The following VRK3 variants were observed in gnomAD, a reference collection of about 807,000 sequenced individuals.
VRK3 encodes the protein serine/threonine-protein kinase VRK3.
Under a neutral mutation model 60.4 loss-of-function variants are expected in VRK3, and 50 were observed. The observed-to-expected ratio is 0.83, with a 90% CI of 0.66 to 1.05. VRK3 has a LOEUF of 1.05. Ranked by LOEUF, VRK3 falls within the 50% of genes least tolerant of loss-of-function variation. VRK3 has a pLI of 0.00. For missense variants in VRK3, 549 were observed against 585.3 expected (o/e 0.94, Z 0.64); for synonymous variants, 246 against 227.8 (o/e 1.08, Z -0.72).
At chr19:49,995,339 A>G (rs924590592) in intron 7 of VRK3, 64 bp from the exon 8 acceptor site, 7 of 1,479,732 alleles carry the variant, frequency 4.7e-6, no homozygotes, top group African/African-American at 1.4e-5. Context: ...AGTAAGAGCT[A>G]GTTCTCAGAG....
At position 49,988,510 on chromosome 19, in the gene VRK3, A is replaced by G; in HGVS notation, c.1097-18T>C. 1 of 1,610,330 alleles carries G rather than the reference A, an allele frequency of 6.2e-7. No individual in the cohort carries two copies. The highest frequency in any genetic ancestry group is 8.5e-7 in the Non-Finnish European group (1 of 1,178,296). On this transcript the variant is annotated intron_variant, in intron 11 of 14. Transcript: ENST00000316763. Reference sequence around the variant, plus strand: ...GGAGGGCCCTGGGGAAGGAGGAGTAAAGGTGGCAGCTCAAGTCTGGACGCT... The same window carrying G: ...GGAGGGCCCTGGGGAAGGAGGAGTAGAGGTGGCAGCTCAAGTCTGGACGCT...
intron 7 of VRK3, among the ~76,000 whole-genome samples, chr19:49,996,074 A>G (rs2076699105): frequency 6.6e-6 from 1 of 152,122 alleles, no homozygotes; most frequent in Non-Finnish European, 1.5e-5. Context: ...GGCACGTGCC[A>G]CCACATCCAA....
chr19:49,984,386 C>A (rs1011349608), intron 12 of VRK3, among the ~76,000 whole-genome samples: 1 of 152,176 alleles, frequency 6.6e-6, no homozygotes, highest in Non-Finnish European at 1.5e-5. Context: ...TCTCTAGAGA[C>A]CAGGTCAGGC....
intron 12 of VRK3, among the ~76,000 whole-genome samples, chr19:49,985,272 C>A (rs2076491939): frequency 1.3e-5 from 2 of 152,184 alleles, no homozygotes; most frequent in South Asian, 4.1e-4. Context: ...AACCCCAGCA[C>A]CATCTGTTAA....
chr19:49,982,885 C>T (rs1008547446), intron 12 of VRK3, among the ~76,000 whole-genome samples: 1 of 152,154 alleles, frequency 6.6e-6, no homozygotes, highest in Non-Finnish European at 1.5e-5. Context: ...CTCTGCCTGG[C>T]CCATCGGGCC....
chr19:49,989,888 C>A, intron 10 of VRK3, 117 bp from the exon 11 acceptor site: 2 of 1,234,720 alleles, frequency 1.6e-6, no homozygotes, highest in Non-Finnish European at 2.2e-6. Flanking sequence ...TTTTCACTTA[C>A]AAAACTAAGG....
At position 49,980,275 on chromosome 19, in the gene VRK3, G is replaced by A. The variant is rs1224799366; in HGVS notation, c.1276+680C>T. Among the ~76,000 whole-genome samples, 5 of 152,206 alleles carry A rather than the reference G, an allele frequency of 3.3e-5. No individual in the cohort carries two copies. In the East Asian group the frequency reaches 7.7e-4, roughly 23 times the overall value. Reference sequence around the variant, plus strand: ...CCAGTAACAGGGATTGGCTTTATAAGTTACGGTGCGGACAAACCATGACCA... The same window carrying A: ...CCAGTAACAGGGATTGGCTTTATAAATTACGGTGCGGACAAACCATGACCA... On this transcript the variant is annotated intron_variant, in intron 13 of 14. Coordinates refer to ENST00000316763, the MANE Select transcript of VRK3 (RefSeq NM_016440.4).
intron 5 of VRK3, among the ~76,000 whole-genome samples, chr19:50,005,624 C>T (rs1432301497): frequency 2.0e-5 from 3 of 149,928 alleles, no homozygotes; most frequent in South Asian, 2.1e-4. Context: ...ACTACCCAAA[C>T]GCCCATCAGC....
At chr19:49,977,520 G>A (rs751566513) in intron 14 of VRK3, among the ~76,000 whole-genome samples, 6 of 152,068 alleles carry the variant, frequency 3.9e-5, no homozygotes, top group East Asian at 1.9e-4. Flanking sequence ...GCCTGGGCTC[G>A]CTCCATCGAT....
At chr19:50,015,283 G>T (rs2077057127) in intron 3 of VRK3, among the ~76,000 whole-genome samples, 1 of 151,886 alleles carries the variant, frequency 6.6e-6, no homozygotes, top group Non-Finnish European at 1.5e-5. Flanking sequence ...GATGCTCAAG[G>T]GAAATTTCAC....
intron 14 of VRK3, among the ~76,000 whole-genome samples, chr19:49,978,178 C>A (rs1217606227): frequency 6.6e-6 from 1 of 152,144 alleles, no homozygotes; most frequent in Non-Finnish European, 1.5e-5. Flanking sequence ...CAGGCAGCAT[C>A]CCGGCCTCCA....
At chr19:50,007,954 T>G in intron 4 of VRK3, 128 bp from the exon 5 acceptor site, 1 of 1,347,620 alleles carries the variant, frequency 7.4e-7, no homozygotes, top group South Asian at 1.4e-5. Flanking sequence ...TCCTGGGACC[T>G]TCTATGAGTC....
rs568877003 is a variant in VRK3, at chr19:50,019,674, C to CTTTTTTTT, written c.-2+903_-2+910dup. Among the ~76,000 whole-genome samples the CTTTTTTTT allele has an allele frequency of 1.6e-3, 70 of 45,014 alleles. 4 individuals carry two copies. The highest frequency in any genetic ancestry group is 2.4e-3 in the Admixed American group (6 of 2,548). The allele number at this position is 45,014 out of a possible 152,430, so 29.5% of individuals were successfully genotyped here. On this transcript the variant is annotated intron_variant, in intron 2 of 14. Transcript: ENST00000316763. ...ACAGGCATGTGCCACCATGCCTGGCCTTTTTTTTTTTTTTTTTTTTTTTTT... is the reference window on the plus strand; with the variant it reads ...ACAGGCATGTGCCACCATGCCTGGCCTTTTTTTTTTTTTTTTTTTTTTTTTTTTTTTTT...
In VRK3 at chr19:50,016,151, G is replaced by A. The variant is rs780663039; in HGVS notation, c.12C>T (p.Phe4=). MIS[F]CPDCGKSIQA... ...GGATACTTTTGCCACAGTCTGGACAGAAGGAGATCATGCTACAAAACAGAA... is the reference window on the plus strand; with the variant it reads ...GGATACTTTTGCCACAGTCTGGACAAAAGGAGATCATGCTACAAAACAGAA... Residue 4 remains phenylalanine (F), a synonymous_variant, in exon 3 of 15, where the codon TTC becomes TTT. Transcript: ENST00000316763. 6.2e-7 allele frequency: 1 copy of A among 1,614,140 alleles called. No homozygotes were observed. Among genetic ancestry groups the A allele is most frequent in the East Asian group, 2.2e-5 (1 of 44,886 alleles).
In VRK3 at chr19:50,016,272, G is replaced by C. The variant is rs535271746; in HGVS notation, c.-1-109C>G. The C allele has an allele frequency of 1.4e-5, 20 of 1,428,696 alleles. No individual in the cohort carries two copies. In the Admixed American group the frequency reaches 3.7e-4, roughly 27 times the overall value. 88.5% of individuals were successfully genotyped at this position (1,428,696 alleles called of 1,614,324 possible). ...GGGTGAGTGGCAGGAGGCACAACCA[G>C]GGTCTTCAACTGTTTGTGATGTTCA... On this transcript the variant is annotated intron_variant, in intron 2 of 14. Transcript: ENST00000316763.
intron 9 of VRK3, 26 bp downstream of exon 9, chr19:49,994,788 C>G (rs751123752): frequency 6.2e-7 from 1 of 1,602,446 alleles, no homozygotes; most frequent in South Asian, 1.1e-5. Context: ...CCTGACGCGG[C>G]AGCTGAGCAA....
At position 49,995,291 on chromosome 19, in the gene VRK3, G is replaced by A. The variant is rs1309649713; in HGVS notation, c.680-16C>T. 5 of 1,613,502 alleles carry A rather than the reference G, an allele frequency of 3.1e-6. No homozygotes were observed. The highest frequency in any genetic ancestry group is 4.2e-6 in the Non-Finnish European group (5 of 1,179,664). On this transcript the variant is annotated splice_polypyrimidine_tract_variant and intron_variant, in intron 7 of 14. Transcript: ENST00000316763. ...CACTTGTTGACTGCGGAAAGCAGGG[G>A]CTTGAGGTTAGAACCCACCCAGTCC...
chr19:49,989,582 C>A, intron 11 of VRK3, 57 bp downstream of exon 11: 5 of 1,557,020 alleles, frequency 3.2e-6, no homozygotes, highest in Non-Finnish European at 4.4e-6. Flanking sequence ...ACTCCTAGAG[C>A]TGCCCTTGTA....
chr19:50,022,923 A>G (rs1269148127), intron 1 of VRK3, among the ~76,000 whole-genome samples: 1 of 152,188 alleles, frequency 6.6e-6, no homozygotes, highest in Non-Finnish European at 1.5e-5. Flanking sequence ...AGCCCCCTGT[A>G]TGATCTGCCA....
Sources: allele counts gnomAD v4.1 joint callset (sites outside exome capture counted in the v4.1 genomes callset), GRCh38; gene constraint gnomAD v4.1.1; transcripts MANE v1.5; gene names NCBI Gene and HGNC (gene_info 2026-07-23, HGNC 2026-07-21).